ZNF578: variants seen among roughly 807,000 people sequenced by gnomAD.
ZNF578 encodes Putative chemokine-related protein B42.
Under a neutral mutation model 8.3 loss-of-function variants are expected in ZNF578, and 8 were observed. The observed-to-expected ratio is 0.96, with a 90% CI of 0.56 to 1.74. The LOEUF is 1.74. Among genes scored for constraint, ZNF578 ranks in the 40% most tolerant of loss-of-function variants. The pLI is 0.00. For missense variants in ZNF578, 726 were observed against 707.5 expected, an observed-to-expected ratio of 1.03 and a Z score of -0.30; for synonymous variants, 206 against 232.2, an observed-to-expected ratio of 0.89 and a Z score of 1.03.
At chr19:52,487,213 C>T (rs2059348814) in intron 2 of ZNF578, among the ~76,000 whole-genome samples, 1 of 152,014 alleles carries the variant, frequency 6.6e-6, no homozygotes, top group African/African-American at 2.4e-5. Context: ...CCTGTACTCC[C>T]AGCTGCTCTG....
chr19:52,509,519 T>TG (rs1249056014), intron 5 of ZNF578, among the ~76,000 whole-genome samples: 1 of 152,222 alleles, frequency 6.6e-6, no homozygotes. Flanking sequence ...CCAGGTGCAG[T>TG]GGCTCACACC....
chr19:52,508,958 A>G (rs2059435024), intron 5 of ZNF578, among the ~76,000 whole-genome samples: 1 of 133,952 alleles, frequency 7.5e-6, no homozygotes, highest in Non-Finnish European at 1.5e-5. Flanking sequence ...CTGGAGTGCA[A>G]TGGCACGATC....
At chr19:52,480,431 C>T (rs1321045243) in intron 2 of ZNF578, among the ~76,000 whole-genome samples, 1 of 152,132 alleles carries the variant, frequency 6.6e-6, no homozygotes, top group South Asian at 2.1e-4. Context: ...TCTGAATGCA[C>T]TATGGCTGGT....
At chr19:52,468,972 G>A (rs188698430) in intron 2 of ZNF578, among the ~76,000 whole-genome samples, 14 of 152,204 alleles carry the variant, frequency 9.2e-5, no homozygotes, top group Admixed American at 7.9e-4. Context: ...GAGGTTTTCA[G>A]ACTTGGACTG....
At chr19:52,504,627 T>G in intron 4 of ZNF578, 28 bp from the exon 5 acceptor site, 1 of 1,613,428 alleles carries the variant, frequency 6.2e-7, no homozygotes, top group Non-Finnish European at 8.5e-7. Context: ...CTCCATAATG[T>G]TTTGTTGAAA....
chr19:52,507,933 C>T (rs2059431053), intron 5 of ZNF578, among the ~76,000 whole-genome samples: 2 of 152,094 alleles, frequency 1.3e-5, no homozygotes, highest in South Asian at 4.1e-4. Context: ...CCTGTAATCC[C>T]AGCTACTCGG....
chr19:52,471,907 A>C (rs992215757), intron 2 of ZNF578, among the ~76,000 whole-genome samples: 17 of 148,068 alleles, frequency 1.1e-4, no homozygotes, highest in Non-Finnish European at 1.8e-4. Flanking sequence ...TCTTGAGAAA[A>C]TGTATGAAGA....
intron 5 of ZNF578, 103 bp downstream of exon 5, chr19:52,504,884 T>C: frequency 2.0e-6 from 3 of 1,535,086 alleles, no homozygotes; most frequent in Non-Finnish European, 2.6e-6. Flanking sequence ...ACGTGGTTTT[T>C]TTGTTTGATT....
At position 52,514,537 on chromosome 19, in the gene ZNF578, C is replaced by T. The variant is rs2059464705; in HGVS notation, c.*2383C>T. Among the ~76,000 whole-genome samples the T allele has an allele frequency of 6.6e-6, 1 of 152,276 alleles. No homozygotes were observed. The highest frequency in any genetic ancestry group is 2.4e-5 in the African/African-American group (1 of 41,574). ...GTTTTTCAGTTTTCTTTCCTTATGT[C>T]ATTTTTTAAAATCTTGAGCTGGGAG... On this transcript the variant is annotated 3_prime_UTR_variant, in exon 6 of 6. Coordinates refer to ENST00000421239, the MANE Select transcript of ZNF578 (RefSeq NM_001099694.2).
intron 2 of ZNF578, chr19:52,473,751 G>T: frequency 3.4e-6 from 1 of 290,894 alleles, no homozygotes; most frequent in Non-Finnish European, 6.4e-6. Context: ...CTTCCAATGT[G>T]GATTAACAGA....
intron 3 of ZNF578, among the ~76,000 whole-genome samples, chr19:52,497,232 T>A (rs1182620637): frequency 6.6e-6 from 1 of 152,228 alleles, no homozygotes; most frequent in Non-Finnish European, 1.5e-5. Context: ...CCTGAGTAGC[T>A]GGGATTACAG....
At position 52,501,936 on chromosome 19, in the gene ZNF578, T is replaced by C. The variant is rs746095442; in HGVS notation, c.63+28T>C. The stretch of plus-strand genomic sequence containing the variant: ...GAAGTGATATTCCTCTGTGGATTAA[T>C]CTGTCTCTTTCCTTTCTGAAGTGTA... On this transcript the variant is annotated intron_variant, in intron 4 of 5. Coordinates refer to ENST00000421239, the MANE Select transcript of ZNF578 (RefSeq NM_001099694.2). The C allele has an allele frequency of 5.6e-6, 9 of 1,607,516 alleles. No homozygotes were observed. The African/African-American group carries it at 1.1e-4, about 19-fold the overall frequency.
chr19:52,494,736 G>T (rs73583013), intron 3 of ZNF578, among the ~76,000 whole-genome samples: 30,409 of 152,080 alleles, frequency 0.2, 3,216 homozygotes, highest in Non-Finnish European at 0.22. Flanking sequence ...ACATTCAGTT[G>T]TGAGTCACTC....
intron 2 of ZNF578, among the ~76,000 whole-genome samples, chr19:52,465,060 T>G (rs1213485257): frequency 6.6e-6 from 1 of 152,158 alleles, no homozygotes; most frequent in Non-Finnish European, 1.5e-5. Context: ...ATTGGGGAAT[T>G]CCAAGGAAAG....
In ZNF578 at chr19:52,510,627, A is replaced by G. The variant is rs1198889574; in HGVS notation, c.246A>G (p.Thr82=). The change falls in exon 6 of 6, where the codon ACA becomes ACG. Residue 82 remains threonine, a synonymous_variant. Coordinates refer to ENST00000421239, the MANE Select transcript of ZNF578 (RefSeq NM_001099694.2). The part of the protein sequence containing the change: ...KEVLSTGQGN[T]EVIHTGMLQR... The stretch of plus-strand genomic sequence containing the variant: ...TCTTGTCAACAGGGCAAGGCAATAC[A>G]GAAGTGATCCACACAGGGATGTTGC... 1.3e-6 allele frequency: 2 copies of G among 1,595,038 alleles called. No individual in the cohort carries two copies. Among genetic ancestry groups the G allele is most frequent in the Non-Finnish European group, 1.7e-6 (2 of 1,171,588 alleles).
At chr19:52,493,565 T>A (rs199894096) in intron 3 of ZNF578, among the ~76,000 whole-genome samples, 2 of 151,530 alleles carry the variant, frequency 1.3e-5, no homozygotes, top group African/African-American at 4.9e-5. Context: ...TCTGGGGTGC[T>A]AGAGAGTGGG....
chr19:52,501,549 G>T (rs971800687), intron 3 of ZNF578, among the ~76,000 whole-genome samples: 3 of 152,168 alleles, frequency 2.0e-5, no homozygotes, highest in Non-Finnish European at 4.4e-5. Flanking sequence ...TCAGGGATGG[G>T]TCTGTGCCCT....
At chr19:52,459,646 CACACAT>C (rs1257638057) in intron 2 of ZNF578, among the ~76,000 whole-genome samples, 12 of 84,582 alleles carry the variant, frequency 1.4e-4, no homozygotes, top group African/African-American at 3.9e-4. Context: ...CACACACACA[CACACAT>C]ATATATACTA....
At chr19:52,482,909 G>A (rs2059331814) in intron 2 of ZNF578, among the ~76,000 whole-genome samples, 2 of 145,190 alleles carry the variant, frequency 1.4e-5, no homozygotes, top group Non-Finnish European at 1.5e-5. Context: ...CTACCACACT[G>A]CAGCCTGGGT....
Sources: gnomAD v4.1 joint callset for allele counts (sites outside exome capture counted in the v4.1 genomes callset) on GRCh38, gnomAD v4.1.1 for gene constraint, MANE v1.5 for transcripts, NCBI Gene and HGNC (gene_info 2026-07-23, HGNC 2026-07-21) for gene names.